EEA1: variants seen among roughly 807,000 people sequenced by gnomAD.
EEA1 encodes early endosome antigen 1.
In EEA1, 111 loss-of-function variants were observed where a neutral mutation model predicts 209.2. The observed-to-expected ratio is 0.53, with a 90% CI of 0.45 to 0.62. EEA1 has a LOEUF of 0.62. EEA1 is among the 20% of genes least tolerant of loss of function. EEA1 has a pLI of 0.00. For synonymous variants in EEA1, 536 were observed against 540.6 expected (o/e 0.99, Z 0.12); for missense variants, 1,343 against 1,530.8 (o/e 0.88, Z 2.05).
In EEA1 at chr12:92,772,689, C is replaced by T. The variant is rs1417721839; in HGVS notation, c.*3322G>A. The T allele has an allele frequency of 6.6e-6, 1 of 152,172 alleles. No homozygotes were observed. The highest frequency in any genetic ancestry group is 1.5e-5 in the Non-Finnish European group (1 of 67,738). The allele number at this position is 152,172 out of a possible 1,614,324, so 9.4% of individuals were successfully genotyped here. A position where few individuals can be genotyped will look rare whatever the true frequency, so the allele number is the denominator to read the frequency against. On this transcript the variant is annotated 3_prime_UTR_variant, in exon 29 of 29. Transcript: ENST00000322349. ...TTTAGAAATTGCAGTATTTACTGAG[C>T]TAACCTTTCTCACAAAGTAAGGCAC...
chr12:92,799,089 G>GA lies in EEA1; in HGVS notation c.2773-4dup. 1.3e-6 allele frequency: 2 copies of GA among 1,547,548 alleles called. No individual in the cohort carries two copies. The highest frequency in any genetic ancestry group is 1.7e-6 in the Non-Finnish European group (2 of 1,152,436). On this transcript the variant is annotated splice_polypyrimidine_tract_variant and splice_region_variant and intron_variant, in intron 20 of 28. Transcript: ENST00000322349. ...TCCAATTTCAACTGATGAGAAGCCT[G>GA]AAAGAAAAAAAAAATCTATTTAGCC...
intron 16 of EEA1, among the ~76,000 whole-genome samples, 178 bp downstream of exon 16, chr12:92,812,802 T>C (rs1216248324): frequency 1.3e-5 from 2 of 152,250 alleles, no homozygotes; most frequent in Non-Finnish European, 2.9e-5. Flanking sequence ...CTGTTATTTT[T>C]ATCTCCATCT....
At chr12:92,895,300 T>A (rs559156769) in intron 1 of EEA1, 1 of 152,368 alleles carries the variant, frequency 6.6e-6, no homozygotes, top group East Asian at 1.9e-4. Flanking sequence ...TAGCTGGGAC[T>A]ACAGGTGCCT....
In EEA1 at chr12:92,779,283, T is replaced by G. The variant is rs1216436793; in HGVS notation, c.3486A>C (p.Lys1162Asn). 2 of 1,597,240 alleles carry G rather than the reference T, an allele frequency of 1.3e-6. No individual in the cohort carries two copies. The highest frequency in any genetic ancestry group is 1.7e-6 in the Non-Finnish European group (2 of 1,175,778). Residue 1162 changes from lysine to asparagine, a missense_variant, in exon 25 of 29, where the codon AAA becomes AAC. Around this residue, in one of 3 missense-constraint regions of EEA1, gnomAD observed 1,307 missense variants for 1,465.5 expected, o/e 0.89. Coordinates refer to ENST00000322349, the MANE Select transcript of EEA1 (RefSeq NM_003566.4). ...GCTGAATTAGAAGCTGTTTAGCATC[T>G]TTAAGATTTGTTATCTCCTGTTGAA... is the stretch of plus-strand genomic sequence containing the variant. ...LESIKEITNL[K>N]DAKQLLIQQK...
chr12:92,876,626 C>T (rs996042733), intron 2 of EEA1, among the ~76,000 whole-genome samples: 11 of 151,964 alleles, frequency 7.2e-5, no homozygotes, highest in Admixed American at 4.6e-4. Context: ...AGTTTATAAG[C>T]TACCAAGTCT....
chr12:92,808,685 G>A (rs574209093), intron 18 of EEA1, among the ~76,000 whole-genome samples: 8 of 151,774 alleles, frequency 5.3e-5, no homozygotes, highest in Non-Finnish European at 1.0e-4. Context: ...AAATATCCCC[G>A]AATTTTTTAA....
At chr12:92,801,983 T>C (rs1433927218) in intron 19 of EEA1, among the ~76,000 whole-genome samples, 1 of 152,034 alleles carries the variant, frequency 6.6e-6, no homozygotes, top group Non-Finnish European at 1.5e-5. Context: ...TCACATTTTA[T>C]GTCACACAAT....
intron 27 of EEA1, 60 bp downstream of exon 27, chr12:92,777,483 C>T (rs1324465482): frequency 7.2e-6 from 11 of 1,518,394 alleles, no homozygotes; most frequent in South Asian, 1.3e-5. Context: ...TAAAAATATG[C>T]TTTTCACTAA....
chr12:92,806,781 T>G (rs7977047), intron 18 of EEA1, among the ~76,000 whole-genome samples: 137,158 of 152,226 alleles, frequency 0.9, 62,018 homozygotes, highest in East Asian at 0.96. Flanking sequence ...ATGGTCAAGT[T>G]AATTTATCCC....
intron 1 of EEA1, among the ~76,000 whole-genome samples, chr12:92,927,996 C>T (rs1399756567): frequency 6.6e-6 from 1 of 152,232 alleles, no homozygotes; most frequent in Admixed American, 6.5e-5. Context: ...CAACTCTCTT[C>T]CGCACATTCC....
At chr12:92,925,942 T>C (rs1400955164) in intron 1 of EEA1, among the ~76,000 whole-genome samples, 1 of 152,092 alleles carries the variant, frequency 6.6e-6, no homozygotes, top group African/African-American at 2.4e-5. Context: ...AAAATAAGAA[T>C]AGTTAAAATG....
intron 1 of EEA1, among the ~76,000 whole-genome samples, chr12:92,913,681 G>C (rs527466367): frequency 6.6e-6 from 1 of 152,010 alleles, no homozygotes; most frequent in African/African-American, 2.4e-5. Context: ...TTGTTTTTGA[G>C]GCAGAGTCTT....
chr12:92,910,682 G>C (rs753152926), intron 1 of EEA1, among the ~76,000 whole-genome samples: 1 of 152,064 alleles, frequency 6.6e-6, no homozygotes, highest in Non-Finnish European at 1.5e-5. Context: ...ACATTGTCAA[G>C]AGTAAAAAGA....
At chr12:92,786,618 C>CAGTTCTAA (rs1874145284) in intron 22 of EEA1, among the ~76,000 whole-genome samples, 1 of 152,026 alleles carries the variant, frequency 6.6e-6, no homozygotes, top group South Asian at 2.1e-4. Flanking sequence ...ATGTTCATCC[C>CAGTTCTAA]AGTTCTAATC....
chr12:92,800,449 TAGCATTACATTCA>T (rs1874856781), intron 20 of EEA1, among the ~76,000 whole-genome samples: 1 of 152,170 alleles, frequency 6.6e-6, no homozygotes, highest in African/African-American at 2.4e-5. Context: ...ACTAAGAACC[TAGCATTACATTCA>T]AGCATTTGAC....
At chr12:92,858,885 C>G (rs2136716906) in intron 3 of EEA1, 1 of 716,532 alleles carries the variant, frequency 1.4e-6, no homozygotes, top group East Asian at 2.8e-5. Flanking sequence ...GGACAGAAAA[C>G]CATTATGGAC....
chr12:92,774,196 T>C lies in EEA1; in HGVS notation c.*1815A>G, dbSNP rs1873558373. The stretch of plus-strand genomic sequence containing the variant: ...AAATGCATAAATAGTTCAGTTTATA[T>C]TATCCAACTATTATTTTTAATAAAG... On this transcript the variant is annotated 3_prime_UTR_variant, in exon 29 of 29. Transcript: ENST00000322349. 6.6e-6 allele frequency: 1 copy of C among 151,544 alleles called. No homozygotes were observed. Among genetic ancestry groups the C allele is most frequent in the African/African-American group, 2.4e-5 (1 of 41,394 alleles). The allele number at this position is 151,544 out of a possible 1,614,324, so 9.4% of individuals were successfully genotyped here.
At chr12:92,878,749 A>G (rs991577054) in intron 2 of EEA1, among the ~76,000 whole-genome samples, 6 of 152,288 alleles carry the variant, frequency 3.9e-5, no homozygotes, top group African/African-American at 1.4e-4. Context: ...ACTAATAGGA[A>G]TAATTAGGAA....
intron 1 of EEA1, among the ~76,000 whole-genome samples, chr12:92,900,256 A>G (rs1439746954): frequency 6.6e-6 from 1 of 152,202 alleles, no homozygotes; most frequent in African/African-American, 2.4e-5. Context: ...CGACTTATCT[A>G]AAGGCATTCA....
Sources: gnomAD v4.1 joint callset for allele counts (sites outside exome capture counted in the v4.1 genomes callset) on GRCh38, gnomAD v4.1.1 for gene constraint, gnomAD v4.1.1 regional missense constraint, MANE v1.5 for transcripts, NCBI Gene and HGNC (gene_info 2026-07-23, HGNC 2026-07-21) for gene names.